The following GGA3 variants were observed in gnomAD, a reference collection of about 807,000 sequenced individuals.
The protein encoded by GGA3 is golgi associated, gamma adaptin ear containing, ARF binding protein 3.
In GGA3, 57 loss-of-function variants were observed where a neutral mutation model predicts 77.5. The observed-to-expected ratio is 0.74, with a 90% CI of 0.59 to 0.92. The LOEUF is 0.92. Among genes scored for constraint, GGA3 ranks in the 40% least tolerant of loss-of-function variants. GGA3 has a pLI of 0.00. For synonymous variants in GGA3, 416 were observed against 383.7 expected (o/e 1.08, Z -0.98); for missense variants, 970 against 914.9 (o/e 1.06, Z -0.78).
Position 75,240,325 on chromosome 17 carries a change from C to A in GGA3, c.1263+17G>T. 1 of 1,551,062 alleles carries A rather than the reference C, an allele frequency of 6.4e-7. No individual in the cohort carries two copies. Among genetic ancestry groups the A allele is most frequent in the East Asian group, 2.3e-5 (1 of 43,920 alleles). Reference sequence around the variant, plus strand: ...GTCCTTGGCACAGTAGTGCTGTCACCGATCCTGTGCCCCTACCTGGAGCAG... The same window carrying A: ...GTCCTTGGCACAGTAGTGCTGTCACAGATCCTGTGCCCCTACCTGGAGCAG... On this transcript the variant is annotated intron_variant, in intron 12 of 16. Coordinates refer to ENST00000537686, the MANE Select transcript of GGA3 (RefSeq NM_138619.4).
intron 1 of GGA3, among the ~76,000 whole-genome samples, chr17:75,256,677 A>T (rs910208888): frequency 1.3e-5 from 2 of 152,118 alleles, no homozygotes; most frequent in African/African-American, 4.8e-5. Flanking sequence ...CCTCAAGGAA[A>T]TAACTTCTCA....
Position 75,246,693 on chromosome 17 carries a change from C to A in GGA3, c.125+19G>T, listed in dbSNP as rs767132053. 6.2e-7 allele frequency: 1 copy of A among 1,604,534 alleles called. No individual in the cohort carries two copies. Among genetic ancestry groups the A allele is most frequent in the Admixed American group, 1.7e-5 (1 of 60,022 alleles). ...CCAGTCCGCTCCCTCTCAGCTGCCCCCACAGTGCTGAGACTCACCCTTCCA... is the reference window on the plus strand; with the variant it reads ...CCAGTCCGCTCCCTCTCAGCTGCCCACACAGTGCTGAGACTCACCCTTCCA... On this transcript the variant is annotated intron_variant, in intron 2 of 16. Coordinates refer to ENST00000537686, the MANE Select transcript of GGA3 (RefSeq NM_138619.4).
chr17:75,257,743 C>G (rs1254594440), intron 1 of GGA3, among the ~76,000 whole-genome samples: 1 of 152,126 alleles, frequency 6.6e-6, no homozygotes, highest in Non-Finnish European at 1.5e-5. Flanking sequence ...TTGAAGCAGC[C>G]CTGAGAAACA....
At position 75,241,512 on chromosome 17, in the gene GGA3, G is replaced by A. The variant is rs746295930; in HGVS notation, c.834C>T (p.Asp278=). ...ETEDNDNSLG[D]ILQASDNLSR... ...AGAGGTTGTCACTGGCTTGCAGGAT[G>A]TCCCCTGGAGCAGGAAAGAGAGACT... Residue 278 remains aspartate (D), a synonymous_variant, in exon 10 of 17, where the codon GAC becomes GAT. Coordinates refer to ENST00000537686, the MANE Select transcript of GGA3 (RefSeq NM_138619.4). The A allele has an allele frequency of 6.2e-7, 1 of 1,611,442 alleles. No homozygotes were observed. The highest frequency in any genetic ancestry group is 8.5e-7 in the Non-Finnish European group (1 of 1,177,570).
intron 1 of GGA3, among the ~76,000 whole-genome samples, chr17:75,251,633 G>A (rs1355769279): frequency 1.3e-5 from 2 of 149,578 alleles, no homozygotes; most frequent in African/African-American, 2.5e-5. Flanking sequence ...TTTAACCCAG[G>A]CGGCAGAGGT....
rs1008352501 is a variant in GGA3 at position 75,244,145 on chromosome 17, G to C, written c.300+474C>G. Among the ~76,000 whole-genome samples, 11 of 152,222 alleles carry C rather than the reference G, an allele frequency of 7.2e-5. No individual in the cohort carries two copies. The Middle Eastern group carries it at 0.01, about 141-fold the overall frequency. ...GAAACACAACTGCATTTTATCTTGG[G>C]GGTGTCCATGAGAATGTCTTTAGCA... is the stretch of plus-strand genomic sequence containing the variant. On this transcript the variant is annotated intron_variant, in intron 4 of 16. Coordinates refer to ENST00000537686, the MANE Select transcript of GGA3 (RefSeq NM_138619.4).
chr17:75,251,706 CA>C (rs35924573), intron 1 of GGA3, among the ~76,000 whole-genome samples: 22 of 68,250 alleles, frequency 3.2e-4, no homozygotes, highest in South Asian at 1.9e-3. Context: ...GACTCCTTCT[CA>C]AAAAAAAAAA....
chr17:75,238,279 T>C lies in GGA3; in HGVS notation c.2172A>G (p.Ter724TrpextTer6). Residue 724 changes from the stop codon to tryptophan (W), a stop_lost, in exon 17 of 17, where the codon TGA becomes TGG. Transcript: ENST00000537686. ...FPPVEQWGNL[*>W] ...GTGGAGATCACAGCGTCCTCTGGGG[T>C]CATAGGTTCCCCCACTGTTCCACAG... 1 of 1,612,754 alleles carries C rather than the reference T, an allele frequency of 6.2e-7. No homozygotes were observed. Among genetic ancestry groups the C allele is most frequent in the South Asian group, 1.1e-5 (1 of 90,924 alleles).
chr17:75,253,629 G>A (rs935145129), intron 1 of GGA3, among the ~76,000 whole-genome samples: 44 of 152,280 alleles, frequency 2.9e-4, no homozygotes, highest in African/African-American at 1.0e-3. Context: ...GGTAAGTCCC[G>A]CTTTTCTAGG....
In GGA3 at chr17:75,246,771, G is replaced by A. The variant is rs190921727; in HGVS notation, c.66C>T (p.Arg22=). The A allele has an allele frequency of 6.2e-7, 1 of 1,613,320 alleles. No homozygotes were observed. The highest frequency in any genetic ancestry group is 2.2e-5 in the East Asian group (1 of 44,884). ...WLNKATNPSN[R]QEDWEYIIGF... is the part of the protein sequence containing the mutation. ...CAATTATGTATTCCCAGTCCTCCTG[G>A]CGGTTGGAAGGATTGGTGGCTTTAT... The change falls in exon 2 of 17, where the codon CGC becomes CGT. Residue 22 remains arginine (R), a synonymous_variant. Transcript: ENST00000537686.
At chr17:75,241,741 GAGAT>G (rs755487228) in intron 8 of GGA3, 45 bp from the exon 9 acceptor site, 1 of 1,489,654 alleles carries the variant, frequency 6.7e-7, no homozygotes, top group East Asian at 2.3e-5. Flanking sequence ...AAGGCCCTTA[GAGAT>G]CATCTGATTC....
At chr17:75,246,267 ACT>A (rs2076753368) in intron 3 of GGA3, among the ~76,000 whole-genome samples, 1 of 152,056 alleles carries the variant, frequency 6.6e-6, no homozygotes, top group East Asian at 1.9e-4. Context: ...TGCCTCACAC[ACT>A]AACCATGTGG....
chr17:75,261,846 C>T, upstream of GGA3: 4 of 1,562,664 alleles, frequency 2.6e-6, no homozygotes, highest in Non-Finnish European at 3.5e-6. Flanking sequence ...CGTTTCCCGT[C>T]ACTCGCTCAG....
Position 75,240,794 on chromosome 17 carries a change from G to GC in GGA3, c.1192+17dup. On this transcript the variant is annotated intron_variant, in intron 11 of 16. Coordinates refer to ENST00000537686, the MANE Select transcript of GGA3 (RefSeq NM_138619.4). Reference sequence around the variant, plus strand: ...AGCCCTGTCAGGGGATGCCCCTGACGCCCCCTGTGGGCCGCACCCAAGCAG... The same window carrying GC: ...AGCCCTGTCAGGGGATGCCCCTGACGCCCCCCTGTGGGCCGCACCCAAGCAG... The GC allele has an allele frequency of 3.1e-6, 5 of 1,595,454 alleles. No individual in the cohort carries two copies. In the South Asian group the frequency reaches 4.5e-5, roughly 14 times the overall value.
intron 1 of GGA3, among the ~76,000 whole-genome samples, chr17:75,253,361 C>T (rs558562923): frequency 2.4e-4 from 36 of 152,302 alleles, no homozygotes; most frequent in African/African-American, 8.2e-4. Flanking sequence ...AAAACTCTGG[C>T]GCTGGTCACA....
At chr17:75,249,732 C>T (rs769794713) in intron 1 of GGA3, among the ~76,000 whole-genome samples, 7 of 152,120 alleles carry the variant, frequency 4.6e-5, no homozygotes, top group Non-Finnish European at 4.4e-5. Flanking sequence ...AAAAACTGGC[C>T]CACTCACTTT....
Position 75,247,216 on chromosome 17 carries a change from T to C in GGA3, c.41-420A>G, listed in dbSNP as rs2076790209. Among the ~76,000 whole-genome samples, 3 of 151,940 alleles carry C rather than the reference T, an allele frequency of 2.0e-5. No individual in the cohort carries two copies. The South Asian group carries it at 6.2e-4, about 31-fold the overall frequency. On this transcript the variant is annotated intron_variant, in intron 1 of 16. Coordinates refer to ENST00000537686, the MANE Select transcript of GGA3 (RefSeq NM_138619.4). Reference sequence around the variant, plus strand: ...GGTCAAGAAGGGTTTTTGGGGAAACTGAAATCAGACTGAACTAGATAAAAA... The same window carrying C: ...GGTCAAGAAGGGTTTTTGGGGAAACCGAAATCAGACTGAACTAGATAAAAA...
intron 1 of GGA3, among the ~76,000 whole-genome samples, chr17:75,248,343 C>T (rs564500183): frequency 1.1e-4 from 16 of 151,400 alleles, no homozygotes; most frequent in Non-Finnish European, 2.1e-4. Flanking sequence ...AGGTGGCGGG[C>T]GCCTGTAGTC....
intron 4 of GGA3, 78 bp from the exon 5 acceptor site, chr17:75,243,648 T>C: frequency 1.4e-6 from 2 of 1,429,126 alleles, no homozygotes; most frequent in Admixed American, 1.9e-5. Flanking sequence ...TCCACAGCAA[T>C]GGCGTGGCTG....
Sources: gnomAD v4.1 joint callset for allele counts (sites outside exome capture counted in the v4.1 genomes callset) on GRCh38, gnomAD v4.1.1 for gene constraint, MANE v1.5 for transcripts, NCBI Gene and HGNC (gene_info 2026-07-23, HGNC 2026-07-21) for gene names.